Variants in CCZ1B observed in about 807,000 individuals in gnomAD.
The protein encoded by CCZ1B is CCZ1B vacuolar protein trafficking and biogenesis associated.
Under a neutral mutation model 58.8 loss-of-function variants are expected in CCZ1B, and 25 were observed. The ratio of observed to expected loss-of-function variants is 0.43; its 90% CI spans 0.31 to 0.59. The LOEUF (loss-of-function observed/expected upper bound fraction) is 0.59. Ranked by LOEUF, CCZ1B falls within the 20% of genes least tolerant of loss-of-function variation. CCZ1B has a pLI of 0.12. For missense variants in CCZ1B, 180 were observed against 501.5 expected, an observed-to-expected ratio of 0.36 and a Z score of 6.12; for synonymous variants, 66 against 173.2, an observed-to-expected ratio of 0.38 and a Z score of 4.86.
rs761004508 is a variant in CCZ1B, at chr7:6,823,410, G to A, written c.391-50C>T. ...CAGCTCAGTTCAAGGGAAAAACAAT[G>A]TCTACTGGATAGATGGCAAAGGTAC... On this transcript the variant is annotated intron_variant, in intron 4 of 14. Coordinates refer to ENST00000316731, the MANE Select transcript of CCZ1B (RefSeq NM_198097.5). The A allele has an allele frequency of 1.3e-5, 21 of 1,601,188 alleles. No individual in the cohort carries two copies. In the Admixed American group the frequency reaches 3.4e-4, roughly 26 times the overall value.
At chr7:6,818,707 AAAGAC>A (rs1480686265) in intron 7 of CCZ1B, among the ~76,000 whole-genome samples, 24 of 112,176 alleles carry the variant, frequency 2.1e-4, no homozygotes, top group Non-Finnish European at 1.9e-4. Flanking sequence ...AGAAAGAAAG[AAAGAC>A]AAGAAAGAAA....
chr7:6,810,055 A>C lies in CCZ1B; in HGVS notation c.954+1897T>G, dbSNP rs1379409977. On this transcript the variant is annotated intron_variant, in intron 10 of 14. Coordinates refer to ENST00000316731, the MANE Select transcript of CCZ1B (RefSeq NM_198097.5). ...GAGACAGAGTCTTGCTCTGTTGCCC[A>C]GACTGGAGCACAGTGGCGTAAGCTC... Among the ~76,000 whole-genome samples, 32 of 150,558 alleles carry C rather than the reference A, an allele frequency of 2.1e-4. No individual in the cohort carries two copies. In the South Asian group the frequency reaches 6.7e-3, roughly 32 times the overall value.
intron 12 of CCZ1B, among the ~76,000 whole-genome samples, chr7:6,801,994 T>C (rs74766697): frequency 0.058 from 6,404 of 110,048 alleles, 1,032 homozygotes; most frequent in African/African-American, 0.11. Context: ...TATCTACATA[T>C]AGCCCGTGAC....
intron 5 of CCZ1B, 187 bp from the exon 6 acceptor site, chr7:6,822,551 G>C: frequency 8.6e-7 from 1 of 1,166,212 alleles, no homozygotes; most frequent in Non-Finnish European, 1.1e-6. Context: ...ACTGTTAAGT[G>C]ATGCTGTTTT....
At chr7:6,824,315 T>C in intron 3 of CCZ1B, 140 bp downstream of exon 3, 1 of 1,445,332 alleles carries the variant, frequency 6.9e-7, no homozygotes, top group Non-Finnish European at 9.2e-7. Flanking sequence ...TAGGAAGAAC[T>C]TGATTTTAAA....
chr7:6,815,352 G>C (rs1299274227), intron 7 of CCZ1B, among the ~76,000 whole-genome samples: 1 of 149,164 alleles, frequency 6.7e-6, no homozygotes, highest in Non-Finnish European at 1.5e-5. Flanking sequence ...ATGTAGAGAT[G>C]GGGGTCTTGC....
chr7:6,801,395 ATCT>A lies in CCZ1B; in HGVS notation c.1232_1234del (p.Lys411del). 4.6e-6 allele frequency: 1 copy of A among 215,982 alleles called. No individual in the cohort carries two copies. Among genetic ancestry groups the A allele is most frequent in the Non-Finnish European group, 7.0e-6 (1 of 143,180 alleles). 13.4% of individuals were successfully genotyped at this position (215,982 alleles called of 1,614,324 possible). A position where few individuals can be genotyped will look rare whatever the true frequency, so the allele number is the denominator to read the frequency against. On this transcript the variant is annotated inframe_deletion, in exon 13 of 15. Coordinates refer to ENST00000316731, the MANE Select transcript of CCZ1B (RefSeq NM_198097.5). ...AAAGTCACTGTTGATGTCACCGAGA[ATCT>A]TCATTAAATCCGGGTGCACGGAAGT...
At chr7:6,820,722 G>C (rs890135162) in intron 6 of CCZ1B, among the ~76,000 whole-genome samples, 1 of 148,634 alleles carries the variant, frequency 6.7e-6, no homozygotes, top group African/African-American at 2.5e-5. Context: ...AGGAGTTTGA[G>C]ACCAGCCTCG....
intron 7 of CCZ1B, among the ~76,000 whole-genome samples, chr7:6,817,783 TGGGCG>T (rs1783029999): frequency 6.7e-5 from 10 of 149,516 alleles, no homozygotes; most frequent in Admixed American, 6.7e-4. Context: ...GAGGCCGAGG[TGGGCG>T]GATCCTTTGA....
chr7:6,823,738 C>T (rs1214527532), intron 4 of CCZ1B: 8 of 480,756 alleles, frequency 1.7e-5, no homozygotes, highest in Admixed American at 4.3e-5. Flanking sequence ...AGGCTGGTCT[C>T]GAACCCCTGA....
chr7:6,812,713 A>G (rs536073128), intron 9 of CCZ1B, among the ~76,000 whole-genome samples: 74 of 152,020 alleles, frequency 4.9e-4, no homozygotes, highest in Non-Finnish European at 7.2e-4. Flanking sequence ...ACTTGAAGTC[A>G]GGAGTTCAAG....
chr7:6,816,931 T>G (rs1210248713), intron 7 of CCZ1B, among the ~76,000 whole-genome samples: 2 of 148,386 alleles, frequency 1.3e-5, no homozygotes, highest in Admixed American at 6.7e-5. Flanking sequence ...GCTAATTTTT[T>G]TTTTGCATTT....
intron 7 of CCZ1B, among the ~76,000 whole-genome samples, chr7:6,818,711 A>AAAGAAAGAAAG (rs1562431518): frequency 1.9e-5 from 2 of 103,392 alleles, no homozygotes; most frequent in African/African-American, 7.1e-5. Context: ...AGAAAGAAAG[A>AAAGAAAGAAAG]CAAGAAAGAA....
At position 6,820,089 on chromosome 7, in the gene CCZ1B, C is replaced by T. The variant is rs115640779; in HGVS notation, c.523-148G>A. The T allele has an allele frequency of 2.5e-3, 2,841 of 1,151,206 alleles. 65 individuals are homozygous for T. In the African/African-American group the frequency reaches 0.038, roughly 15 times the overall value. The allele number at this position is 1,151,206 out of a possible 1,614,324, so 71.3% of individuals were successfully genotyped here. A position where few individuals can be genotyped will look rare whatever the true frequency, so the allele number is the denominator to read the frequency against. ...CACAACAATGAGGCCGTGGTGAAGA[C>T]ATGGGTGACTGAGTGTCAACTCAGT... On this transcript the variant is annotated intron_variant, in intron 6 of 14. Coordinates refer to ENST00000316731, the MANE Select transcript of CCZ1B (RefSeq NM_198097.5).
At chr7:6,804,064 A>G (rs1210205009) in intron 12 of CCZ1B, among the ~76,000 whole-genome samples, 1 of 150,626 alleles carries the variant, frequency 6.6e-6, no homozygotes, top group African/African-American at 2.4e-5. Flanking sequence ...TAAAAGCAGG[A>G]CTTCAACTTC....
chr7:6,820,933 T>A (rs1441550491), intron 6 of CCZ1B, among the ~76,000 whole-genome samples: 4 of 138,256 alleles, frequency 2.9e-5, no homozygotes, highest in Non-Finnish European at 3.1e-5. Context: ...AAAAAAAAAA[T>A]TAACTCCCTG....
chr7:6,814,157 TA>T (rs961734192), intron 8 of CCZ1B, among the ~76,000 whole-genome samples: 1 of 148,232 alleles, frequency 6.7e-6, no homozygotes, highest in Non-Finnish European at 1.5e-5. Flanking sequence ...AATAAATAAA[TA>T]AATAAATAAA....
At chr7:6,823,895 G>C (rs1484498963) in intron 4 of CCZ1B, 194 bp downstream of exon 4, 1 of 972,362 alleles carries the variant, frequency 1.0e-6, no homozygotes, top group Admixed American at 3.7e-5. Context: ...AAGAGTAGAA[G>C]GTATTAGTGA....
intron 12 of CCZ1B, among the ~76,000 whole-genome samples, chr7:6,804,291 T>C (rs1026514897): frequency 9.0e-5 from 11 of 122,124 alleles, no homozygotes; most frequent in African/African-American, 3.2e-4. Context: ...GGCATGGTGG[T>C]GCACGCCTGT....
Sources: gnomAD v4.1 joint callset for allele counts (sites outside exome capture counted in the v4.1 genomes callset) on GRCh38, gnomAD v4.1.1 for gene constraint, MANE v1.5 for transcripts, NCBI Gene and HGNC (gene_info 2026-07-23, HGNC 2026-07-21) for gene names.